Variants in WIPF3 observed in about 807,000 individuals in gnomAD.
WIPF3 encodes WAS/WASL interacting protein family member 3.
WIPF3 carries 33 observed loss-of-function variants against 38.9 expected under a neutral mutation model. The ratio of observed to expected loss-of-function variants is 0.85; its 90% CI spans 0.64 to 1.14. The LOEUF is 1.14. Among genes scored for constraint, WIPF3 ranks in the 50% most tolerant of loss-of-function variants. The pLI is 0.00. For missense variants in WIPF3, 711 were observed against 652.5 expected (o/e 1.09, Z -0.98); for synonymous variants, 324 against 269.3 (o/e 1.20, Z -1.99).
Position 29,884,365 on chromosome 7 carries a change from G to GCCCCCCCCCCCCCCCCCC in WIPF3, c.875_876insCCCCCCCCCCCCCCCCCC (p.Pro295_Leu296insProProProProProPro). ...TGCGCAAGATGCGCAGGAGCCTCCC[G>GCCCCCCCCCCCCCCCCCC]CCCCGCCGCCCCCGCTCCCCCCTTA... On this transcript the variant is annotated inframe_insertion, in exon 5 of 9. Transcript: ENST00000242140. 4 of 573,300 alleles carry GCCCCCCCCCCCCCCCCCC rather than the reference G, an allele frequency of 7.0e-6. No individual in the cohort carries two copies. The highest frequency in any genetic ancestry group is 3.3e-5 in the South Asian group (1 of 30,302). 35.5% of individuals were successfully genotyped at this position (573,300 alleles called of 1,614,324 possible). A position where few individuals can be genotyped will look rare whatever the true frequency, so the allele number is the denominator to read the frequency against.
chr7:29,902,490 A>C (rs1021129882), intron 7 of WIPF3, among the ~76,000 whole-genome samples: 11 of 151,976 alleles, frequency 7.2e-5, no homozygotes, highest in Non-Finnish European at 1.6e-4. Flanking sequence ...TTACCTTAAA[A>C]GGTTTTTATA....
chr7:29,909,122 C>T lies in WIPF3; in HGVS notation c.1428+4760C>T, dbSNP rs548736690. 1.2e-3 allele frequency among the ~76,000 whole-genome samples: 188 copies of T among 151,986 alleles called. 1 individual carries two copies. Among genetic ancestry groups the T allele is most frequent in the African/African-American group, 4.4e-3 (183 of 41,478 alleles). On this transcript the variant is annotated intron_variant, in intron 8 of 8. Coordinates refer to ENST00000242140, the MANE Select transcript of WIPF3 (RefSeq NM_001080529.3). Reference sequence around the variant, plus strand: ...TTAATTGAAATGAACATACAACATACCAAAATTTATGGAACACTGAAAGCA... The same window carrying T: ...TTAATTGAAATGAACATACAACATATCAAAATTTATGGAACACTGAAAGCA...
At chr7:29,902,274 CTTT>C (rs11407234) in intron 7 of WIPF3, among the ~76,000 whole-genome samples, 2 of 104,110 alleles carry the variant, frequency 1.9e-5, no homozygotes, top group African/African-American at 3.9e-5. Flanking sequence ...TCTTCTTCTT[CTTT>C]TTTTTTTTTT....
intron 2 of WIPF3, among the ~76,000 whole-genome samples, chr7:29,869,600 A>G (rs1785459150): frequency 6.6e-6 from 1 of 152,172 alleles, no homozygotes; most frequent in Admixed American, 6.5e-5. Context: ...TTGAGTCTCT[A>G]ATCCCTGCCT....
chr7:29,865,910 G>A (rs1188824064), intron 2 of WIPF3, among the ~76,000 whole-genome samples: 1 of 152,190 alleles, frequency 6.6e-6, no homozygotes, highest in Non-Finnish European at 1.5e-5. Flanking sequence ...TGTAATCCTA[G>A]CACTTTGGGA....
At chr7:29,864,586 T>C (rs1785354260) in intron 2 of WIPF3, among the ~76,000 whole-genome samples, 1 of 152,244 alleles carries the variant, frequency 6.6e-6, no homozygotes, top group Non-Finnish European at 1.5e-5. Flanking sequence ...AATAGGATTG[T>C]ATGATTGCAT....
At chr7:29,869,064 G>A (rs904332481) in intron 2 of WIPF3, among the ~76,000 whole-genome samples, 2 of 149,064 alleles carry the variant, frequency 1.3e-5, no homozygotes, top group East Asian at 2.0e-4. Flanking sequence ...AGTTTCACTC[G>A]TGTTGCCCAG....
chr7:29,861,978 G>A (rs766790372), intron 2 of WIPF3, among the ~76,000 whole-genome samples: 18 of 152,166 alleles, frequency 1.2e-4, no homozygotes, highest in Non-Finnish European at 2.4e-4. Flanking sequence ...CCATTCTTAC[G>A]CAGAAGAGGG....
intron 2 of WIPF3, among the ~76,000 whole-genome samples, chr7:29,868,529 T>TATATAC (rs1288279347): frequency 6.6e-6 from 1 of 150,872 alleles, no homozygotes; most frequent in Non-Finnish European, 1.5e-5. Context: ...TATATATATA[T>TATATAC]ATATATACAC....
chr7:29,820,758 C>T (rs1185238819), intron 1 of WIPF3, among the ~76,000 whole-genome samples: 4 of 152,000 alleles, frequency 2.6e-5, no homozygotes, highest in Non-Finnish European at 4.4e-5. Context: ...TTTTAATATG[C>T]TTGACTTATA....
At chr7:29,848,696 C>T (rs1276697572) in intron 2 of WIPF3, among the ~76,000 whole-genome samples, 26 of 152,090 alleles carry the variant, frequency 1.7e-4, no homozygotes, top group Admixed American at 1.7e-3. Flanking sequence ...ATTTTAAGAG[C>T]TCTTTTCTTC....
In WIPF3 at chr7:29,892,686, A is replaced by C. The variant is rs544229783; in HGVS notation, c.1351+3279A>C. 4.7e-4 allele frequency among the ~76,000 whole-genome samples: 72 copies of C among 152,382 alleles called. 1 individual carries two copies. The highest frequency in any genetic ancestry group is 1.7e-3 in the African/African-American group (71 of 41,586). Reference sequence around the variant, plus strand: ...CCCACACCTGTCTGAACCCAGGGCCAGTTCCATTTGGCCGTGGTGAACTCT... The same window carrying C: ...CCCACACCTGTCTGAACCCAGGGCCCGTTCCATTTGGCCGTGGTGAACTCT... On this transcript the variant is annotated intron_variant, in intron 7 of 8. Coordinates refer to ENST00000242140, the MANE Select transcript of WIPF3 (RefSeq NM_001080529.3).
Position 29,911,032 on chromosome 7 carries a change from C to CAA in WIPF3, c.1429-3452_1429-3451dup, listed in dbSNP as rs34256909. On this transcript the variant is annotated intron_variant, in intron 8 of 8. Coordinates refer to ENST00000242140, the MANE Select transcript of WIPF3 (RefSeq NM_001080529.3). ...ATGTAGAAAATCCTAAAGATTCCACCAAAAAAAAAACTGTTAGAAATAATT... is the reference window on the plus strand; with the variant it reads ...ATGTAGAAAATCCTAAAGATTCCACCAAAAAAAAAAAACTGTTAGAAATAATT... Among the ~76,000 whole-genome samples the CAA allele has an allele frequency of 8.2e-3, 1,214 of 148,500 alleles. 10 individuals are homozygous for CAA. The highest frequency in any genetic ancestry group is 0.014 in the Middle Eastern group (4 of 290).
intron 6 of WIPF3, among the ~76,000 whole-genome samples, chr7:29,888,538 T>C (rs1785938627): frequency 6.6e-6 from 1 of 151,796 alleles, no homozygotes; most frequent in African/African-American, 2.4e-5. Flanking sequence ...TGTGTGTCTA[T>C]GGAGAAATCA....
At chr7:29,817,400 A>G (rs1462465642) in intron 1 of WIPF3, among the ~76,000 whole-genome samples, 2 of 152,058 alleles carry the variant, frequency 1.3e-5, no homozygotes, top group Non-Finnish European at 2.9e-5. Flanking sequence ...CTTTTCTTCT[A>G]TACATTTTAG....
At chr7:29,913,932 A>C (rs1786554146) in intron 8 of WIPF3, among the ~76,000 whole-genome samples, 1 of 152,208 alleles carries the variant, frequency 6.6e-6, no homozygotes, top group African/African-American at 2.4e-5. Flanking sequence ...GTCTACTCAA[A>C]GTGGATTGTA....
chr7:29,905,961 A>G (rs1786388694), intron 8 of WIPF3: 2 of 152,164 alleles, frequency 1.3e-5, no homozygotes, highest in African/African-American at 4.8e-5. Context: ...GACCAAGAAG[A>G]CCTTAAGATT....
At chr7:29,890,186 C>T (rs1785974472) in intron 7 of WIPF3, among the ~76,000 whole-genome samples, 1 of 89,262 alleles carries the variant, frequency 1.1e-5, no homozygotes. Flanking sequence ...TAGCAAGATT[C>T]CATTTCTACA....
chr7:29,829,518 T>A (rs369880374), intron 1 of WIPF3, among the ~76,000 whole-genome samples: 13 of 152,196 alleles, frequency 8.5e-5, no homozygotes, highest in Admixed American at 4.6e-4. Flanking sequence ...CGTGCCTGAA[T>A]TGACTCCTGC....
Sources: gnomAD v4.1 joint callset for allele counts (sites outside exome capture counted in the v4.1 genomes callset) on GRCh38, gnomAD v4.1.1 for gene constraint, MANE v1.5 for transcripts, NCBI Gene and HGNC (gene_info 2026-07-23, HGNC 2026-07-21) for gene names.